SLC6A11: variants seen among roughly 807,000 people sequenced by gnomAD.
SLC6A11 encodes the protein solute carrier family 6 member 11.
SLC6A11 carries 25 observed loss-of-function variants against 74.8 expected under a neutral mutation model. The observed-to-expected ratio is 0.33, with a 90% CI of 0.24 to 0.47. SLC6A11 has a LOEUF of 0.47. Among genes scored for constraint, SLC6A11 ranks in the 20% least tolerant of loss-of-function variants. The pLI is 1.00. For synonymous variants in SLC6A11, 330 were observed against 330.2 expected (o/e 1.00, Z 0.01); for missense variants, 574 against 837.0 (o/e 0.69, Z 3.88).
chr3:10,909,552 ACT>A (rs1695357821), intron 6 of SLC6A11, among the ~76,000 whole-genome samples: 1 of 152,064 alleles, frequency 6.6e-6, no homozygotes, highest in African/African-American at 2.4e-5. Flanking sequence ...CTCTCCCACA[ACT>A]CTGAGGGCTT....
chr3:10,847,591 C>G (rs752002345), intron 5 of SLC6A11, among the ~76,000 whole-genome samples: 7 of 152,246 alleles, frequency 4.6e-5, no homozygotes, highest in Non-Finnish European at 7.4e-5. Flanking sequence ...AGTGGAAGAG[C>G]CTTGCCCGAG....
chr3:10,868,641 C>T (rs1694792814), intron 5 of SLC6A11, among the ~76,000 whole-genome samples: 1 of 152,232 alleles, frequency 6.6e-6, no homozygotes. Context: ...CCACGCCCAC[C>T]CTTCTGGGTC....
At chr3:10,844,009 C>A (rs1033979546) in intron 4 of SLC6A11, among the ~76,000 whole-genome samples, 6 of 152,180 alleles carry the variant, frequency 3.9e-5, no homozygotes, top group African/African-American at 1.4e-4. Context: ...ATCTTTTCCC[C>A]CAGAGAGTGA....
intron 6 of SLC6A11, among the ~76,000 whole-genome samples, chr3:10,910,820 T>C (rs1377204056): frequency 3.0e-4 from 3 of 9,912 alleles, no homozygotes; most frequent in African/African-American, 1.1e-3. Context: ...TTGCTGTGAA[T>C]TTTTTTTTTT....
intron 4 of SLC6A11, among the ~76,000 whole-genome samples, chr3:10,837,570 C>T (rs1003030921): frequency 1.3e-5 from 2 of 152,186 alleles, no homozygotes; most frequent in Non-Finnish European, 2.9e-5. Flanking sequence ...GCTGTCCTCA[C>T]CTGAGAAGAT....
At chr3:10,826,320 G>C (rs539261809) in intron 4 of SLC6A11, among the ~76,000 whole-genome samples, 1 of 152,196 alleles carries the variant, frequency 6.6e-6, no homozygotes, top group African/African-American at 2.4e-5. Flanking sequence ...AGACTTCTGG[G>C]CTGGGTGGGC....
chr3:10,936,648 G>C (rs1197405786), intron 13 of SLC6A11, among the ~76,000 whole-genome samples: 1 of 152,228 alleles, frequency 6.6e-6, no homozygotes, highest in African/African-American at 2.4e-5. Context: ...AGGCTCCTTG[G>C]AGCCTGCAGG....
chr3:10,885,665 A>G (rs769964836), intron 6 of SLC6A11, among the ~76,000 whole-genome samples: 10 of 151,478 alleles, frequency 6.6e-5, no homozygotes, highest in Non-Finnish European at 1.3e-4. Context: ...CTGCCCTAGG[A>G]CATGGTTCTT....
intron 5 of SLC6A11, among the ~76,000 whole-genome samples, chr3:10,873,444 C>CCTATCCTATCCTATG (rs1694856452): frequency 2.7e-5 from 4 of 147,014 alleles, no homozygotes; most frequent in African/African-American, 1.0e-4. Context: ...CCTATCCTAT[C>CCTATCCTATCCTATG]CTATCCTATG....
intron 6 of SLC6A11, among the ~76,000 whole-genome samples, chr3:10,904,338 C>A (rs1695276651): frequency 6.6e-6 from 1 of 152,202 alleles, no homozygotes; most frequent in Non-Finnish European, 1.5e-5. Flanking sequence ...GAACCAGTGG[C>A]CTTGAAAGAG....
chr3:10,899,274 C>T (rs1213431813), intron 6 of SLC6A11, among the ~76,000 whole-genome samples: 1 of 152,140 alleles, frequency 6.6e-6, no homozygotes. Flanking sequence ...GAGTTCTCAG[C>T]CAGGGAGGAG....
chr3:10,887,061 A>G (rs1695051550), intron 6 of SLC6A11, among the ~76,000 whole-genome samples: 1 of 152,152 alleles, frequency 6.6e-6, no homozygotes, highest in Non-Finnish European at 1.5e-5. Context: ...GGATGAATGT[A>G]TGGACAGATG....
intron 4 of SLC6A11, among the ~76,000 whole-genome samples, chr3:10,827,422 T>C (rs1183025903): frequency 6.6e-6 from 1 of 152,208 alleles, no homozygotes; most frequent in East Asian, 1.9e-4. Context: ...TGACAGAGCA[T>C]ACCTAATTCC....
At chr3:10,860,345 C>T (rs1367336181) in intron 5 of SLC6A11, among the ~76,000 whole-genome samples, 2 of 152,204 alleles carry the variant, frequency 1.3e-5, no homozygotes, top group Admixed American at 6.5e-5. Flanking sequence ...ATGTGGGAGC[C>T]ATCCTGATTT....
At chr3:10,856,353 G>C (rs1694638086) in intron 5 of SLC6A11, among the ~76,000 whole-genome samples, 1 of 152,250 alleles carries the variant, frequency 6.6e-6, no homozygotes, top group Non-Finnish European at 1.5e-5. Flanking sequence ...AGTGGAGTCA[G>C]ACAGACCCAG....
In SLC6A11 at chr3:10,940,067, G is replaced by A. The variant is rs1381307264; in HGVS notation, c.*1665G>A. The A allele has an allele frequency of 6.6e-6, 1 of 152,292 alleles. No individual in the cohort carries two copies. Among genetic ancestry groups the A allele is most frequent in the African/African-American group, 2.4e-5 (1 of 41,448 alleles). 9.4% of individuals were successfully genotyped at this position (152,292 alleles called of 1,614,324 possible). Reference sequence around the variant, plus strand: ...TGCAAACCCCCAGCATCTCTGCTCTGGCCAGCCCTGATCTGAAGCCTGTGT... The same window carrying A: ...TGCAAACCCCCAGCATCTCTGCTCTAGCCAGCCCTGATCTGAAGCCTGTGT... On this transcript the variant is annotated 3_prime_UTR_variant, in exon 14 of 14. Coordinates refer to ENST00000254488, the MANE Select transcript of SLC6A11 (RefSeq NM_014229.3).
chr3:10,906,826 G>C (rs2106623180), intron 6 of SLC6A11, among the ~76,000 whole-genome samples: 1 of 152,324 alleles, frequency 6.6e-6, no homozygotes, highest in East Asian at 1.9e-4. Flanking sequence ...AGTACTATCT[G>C]TATGGCCATA....
chr3:10,823,195 G>A (rs1361662666), intron 3 of SLC6A11, 107 bp from the exon 4 acceptor site: 1 of 743,588 alleles, frequency 1.3e-6, no homozygotes, highest in Non-Finnish European at 2.4e-6. Context: ...TTTACCTGGA[G>A]TGGGTAGATG....
At chr3:10,922,372 A>G (rs1695548041) in intron 8 of SLC6A11, among the ~76,000 whole-genome samples, 1 of 152,212 alleles carries the variant, frequency 6.6e-6, no homozygotes, top group Non-Finnish European at 1.5e-5. Flanking sequence ...ACAATATAAA[A>G]TAATCAAGAA....
Sources: gnomAD v4.1 joint callset for allele counts (sites outside exome capture counted in the v4.1 genomes callset) on GRCh38, gnomAD v4.1.1 for gene constraint, MANE v1.5 for transcripts, NCBI Gene and HGNC (gene_info 2026-07-23, HGNC 2026-07-21) for gene names.